The following FXN variants were observed in gnomAD, a reference collection of about 807,000 sequenced individuals.
FXN encodes frataxin.
Under a neutral mutation model 22.4 loss-of-function variants are expected in FXN, and 14 were observed. The observed-to-expected ratio is 0.62, with a 90% CI of 0.41 to 0.98. FXN has a LOEUF of 0.98. Among genes scored for constraint, FXN ranks in the 50% least tolerant of loss-of-function variants. FXN has a pLI of 0.00. For missense variants in FXN, 267 were observed against 268.4 expected, an observed-to-expected ratio of 0.99 and a Z score of 0.04; for synonymous variants, 120 against 114.1, an observed-to-expected ratio of 1.05 and a Z score of -0.33.
intron 3 of FXN, among the ~76,000 whole-genome samples, chr9:69,064,449 A>G (rs999253240): frequency 7.2e-5 from 11 of 152,222 alleles, no homozygotes; most frequent in Admixed American, 7.2e-4. Context: ...AAGACAAGCA[A>G]AGCAGATGGT....
At position 69,074,743 on chromosome 9, in the gene FXN, GAAA is replaced by G; in HGVS notation, c.*1988_*1990del. ...AGCAAGATCCTATCTCTTAAAAAAA[GAAA>G]AAAAAACCTATTAATAATAAAACAG... On this transcript the variant is annotated 3_prime_UTR_variant, in exon 5 of 5. Transcript: ENST00000484259. The G allele has an allele frequency of 1.2e-6, 1 of 841,582 alleles. No homozygotes were observed. The highest frequency in any genetic ancestry group is 1.4e-6 in the Non-Finnish European group (1 of 700,248). The allele number at this position is 841,582 out of a possible 1,614,324, so 52.1% of individuals were successfully genotyped here.
rs1455826103 is a variant in FXN at position 69,053,324 on chromosome 9, A to G, written c.384+64A>G. On this transcript the variant is annotated intron_variant, in intron 3 of 4. Transcript: ENST00000484259. ...TAAGAATTTTAGTTCACTAAAATGA[A>G]GAATTTCCCTCCAGCAGAGCTAAGC... is the stretch of plus-strand genomic sequence containing the variant. 4.5e-6 allele frequency: 7 copies of G among 1,554,414 alleles called. No individual in the cohort carries two copies. In the East Asian group the frequency reaches 1.6e-4, roughly 35 times the overall value.
chr9:69,076,686 A>G lies in FXN; in HGVS notation c.*3924A>G, dbSNP rs1446047786. On this transcript the variant is annotated 3_prime_UTR_variant, in exon 5 of 5. Coordinates refer to ENST00000484259, the MANE Select transcript of FXN (RefSeq NM_000144.5). ...GGAGTTTGTGTGGACTAACCATGCA[A>G]GGTTGCCAAGGAAAAATCGCTTTAC... The G allele has an allele frequency of 1.0e-6, 1 of 985,308 alleles. No homozygotes were observed. Among genetic ancestry groups the G allele is most frequent in the African/African-American group, 1.7e-5 (1 of 57,224 alleles). The allele number at this position is 985,308 out of a possible 1,614,324, so 61.0% of individuals were successfully genotyped here.
intron 1 of FXN, among the ~76,000 whole-genome samples, chr9:69,040,480 A>G (rs1448372768): frequency 2.0e-5 from 3 of 152,090 alleles, no homozygotes; most frequent in Non-Finnish European, 2.9e-5. Context: ...CATCCTGGCT[A>G]ATACGATGAA....
In FXN at chr9:69,073,712, G is replaced by C; in HGVS notation, c.*950G>C. 1 of 985,426 alleles carries C rather than the reference G, an allele frequency of 1.0e-6. No individual in the cohort carries two copies. The highest frequency in any genetic ancestry group is 4.7e-5 in the South Asian group (1 of 21,292). The allele number at this position is 985,426 out of a possible 1,614,324, so 61.0% of individuals were successfully genotyped here. A position where few individuals can be genotyped will look rare whatever the true frequency, so the allele number is the denominator to read the frequency against. On this transcript the variant is annotated 3_prime_UTR_variant, in exon 5 of 5. Transcript: ENST00000484259. ...CTCTGCTTCCCCATCTGTTAAATGA[G>C]AGAATAGAGTATGGTTGATTCCCAG...
At chr9:69,052,914 G>A (rs1340526417) in intron 2 of FXN, among the ~76,000 whole-genome samples, 6 of 149,974 alleles carry the variant, frequency 4.0e-5, no homozygotes, top group Non-Finnish European at 3.0e-5. Context: ...GCTGAGGCAC[G>A]TGGTGGATCA....
chr9:69,053,212 C>T lies in FXN; in HGVS notation c.336C>T (p.Asp112=). ...ACTCTTTAGCAGAGTTTTTTGAAGA[C>T]CTTGCAGACAAGCCATACACGTTTG... ...TLDSLAEFFE[D]LADKPYTFED... Residue 112 remains aspartate (D), a synonymous_variant, in exon 3 of 5, where the codon GAC becomes GAT. Coordinates refer to ENST00000484259, the MANE Select transcript of FXN (RefSeq NM_000144.5). 1 of 1,613,810 alleles carries T rather than the reference C, an allele frequency of 6.2e-7. No homozygotes were observed.
chr9:69,070,275 G>A lies in FXN; in HGVS notation c.483-2337G>A, dbSNP rs374578407. Among the ~76,000 whole-genome samples the A allele has an allele frequency of 9.4e-3, 1,429 of 151,942 alleles. 22 individuals are homozygous for A. Among genetic ancestry groups the A allele is most frequent in the African/African-American group, 0.032 (1,335 of 41,466 alleles). On this transcript the variant is annotated intron_variant, in intron 4 of 4. Transcript: ENST00000484259. ...AACGGCCCAGGAAGGCTGGAGGGCC[G>A]CCGTGTCCATTGAGAGAGTGCTCCA...
In FXN at chr9:69,076,331, C is replaced by T. The variant is rs1270521292; in HGVS notation, c.*3569C>T. The T allele has an allele frequency of 1.0e-6, 1 of 985,032 alleles. No homozygotes were observed. The highest frequency in any genetic ancestry group is 1.8e-5 in the African/African-American group (1 of 57,140). The allele number at this position is 985,032 out of a possible 1,614,324, so 61.0% of individuals were successfully genotyped here. On this transcript the variant is annotated 3_prime_UTR_variant, in exon 5 of 5. Coordinates refer to ENST00000484259, the MANE Select transcript of FXN (RefSeq NM_000144.5). ...CTCAGTTCATGACAACTGTTGTTCTCACATGCATAGCATAATTTCATATTC... is the reference window on the plus strand; with the variant it reads ...CTCAGTTCATGACAACTGTTGTTCTTACATGCATAGCATAATTTCATATTC...
At chr9:69,071,620 C>T (rs763720330) in intron 4 of FXN, among the ~76,000 whole-genome samples, 26 of 152,372 alleles carry the variant, frequency 1.7e-4, no homozygotes, top group African/African-American at 5.8e-4. Flanking sequence ...CCCAAAGCAA[C>T]GTGCATGTGC....
intron 3 of FXN, among the ~76,000 whole-genome samples, chr9:69,059,800 A>G (rs1479848977): frequency 2.0e-5 from 3 of 152,136 alleles, no homozygotes; most frequent in Non-Finnish European, 4.4e-5. Flanking sequence ...AGTGATATCT[A>G]ACTTTTGCGA....
chr9:69,051,852 T>G (rs1489769133), intron 2 of FXN, among the ~76,000 whole-genome samples: 1 of 152,238 alleles, frequency 6.6e-6, no homozygotes, highest in East Asian at 1.9e-4. Context: ...AACTGTTTTT[T>G]GGGGTTTTCT....
chr9:69,051,967 C>T (rs1241786202), intron 2 of FXN, among the ~76,000 whole-genome samples: 1 of 152,122 alleles, frequency 6.6e-6, no homozygotes, highest in Non-Finnish European at 1.5e-5. Flanking sequence ...CCTGCCTCAG[C>T]CTCCCGAGTA....
At chr9:69,062,003 G>A (rs746107137) in intron 3 of FXN, among the ~76,000 whole-genome samples, 1 of 152,100 alleles carries the variant, frequency 6.6e-6, no homozygotes, top group Non-Finnish European at 1.5e-5. Context: ...TAGTATTAAC[G>A]GGTGCGGGGT....
chr9:69,036,000 C>T (rs995199306), intron 1 of FXN, 53 bp downstream of exon 1: 89 of 1,281,080 alleles, frequency 6.9e-5, no homozygotes, highest in Non-Finnish European at 8.3e-5. Flanking sequence ...GGCCGCACGC[C>T]GCACGCCTGC....
chr9:69,042,864 A>G (rs182247587), intron 1 of FXN, among the ~76,000 whole-genome samples: 2 of 152,220 alleles, frequency 1.3e-5, no homozygotes, highest in Non-Finnish European at 2.9e-5. Context: ...TGGGAAAACA[A>G]TTCCTTCCAC....
In FXN at chr9:69,072,657, C is replaced by A; in HGVS notation, c.528C>A (p.Ser176=). The change falls in exon 5 of 5, where the codon TCC becomes TCA. Residue 176 remains serine (S), a synonymous_variant. Transcript: ENST00000484259. Reference sequence around the variant, plus strand: ...GGACTGGGAAAAACTGGGTGTACTCCCACGACGGCGTGTCCCTCCATGAGC... The same window carrying A: ...GGACTGGGAAAAACTGGGTGTACTCACACGACGGCGTGTCCCTCCATGAGC... ...YDWTGKNWVY[S]HDGVSLHELL... 1 of 1,614,142 alleles carries A rather than the reference C, an allele frequency of 6.2e-7. No homozygotes were observed. The highest frequency in any genetic ancestry group is 8.5e-7 in the Non-Finnish European group (1 of 1,180,034).
Position 69,077,335 on chromosome 9 carries a change from G to C in FXN, c.*4573G>C. ...TCAGCTCACTTATATCCCTGCATCCGCTACAGAGACAGAATCCAAGCTCAT... is the reference window on the plus strand; with the variant it reads ...TCAGCTCACTTATATCCCTGCATCCCCTACAGAGACAGAATCCAAGCTCAT... On this transcript the variant is annotated 3_prime_UTR_variant, in exon 5 of 5. Coordinates refer to ENST00000484259, the MANE Select transcript of FXN (RefSeq NM_000144.5). 2.0e-6 allele frequency: 2 copies of C among 985,430 alleles called. No individual in the cohort carries two copies. Among genetic ancestry groups the C allele is most frequent in the Non-Finnish European group, 2.4e-6 (2 of 829,948 alleles). The allele number at this position is 985,430 out of a possible 1,614,324, so 61.0% of individuals were successfully genotyped here.
At chr9:69,045,827 G>A (rs1038982059) in intron 1 of FXN, among the ~76,000 whole-genome samples, 3 of 151,370 alleles carry the variant, frequency 2.0e-5, no homozygotes, top group African/African-American at 7.3e-5. Context: ...GGTAAGGGGG[G>A]AAGTGTGCAA....
Sources: gnomAD v4.1 joint callset for allele counts (sites outside exome capture counted in the v4.1 genomes callset) on GRCh38, gnomAD v4.1.1 for gene constraint, MANE v1.5 for transcripts, NCBI Gene and HGNC (gene_info 2026-07-23, HGNC 2026-07-21) for gene names.